The following ARHGAP42 variants were observed in gnomAD, a reference collection of about 807,000 sequenced individuals.
ARHGAP42 encodes Rho GTPase activating protein 42.
ARHGAP42 carries 63 observed loss-of-function variants against 125.0 expected under a neutral mutation model. The ratio of observed to expected loss-of-function variants is 0.50; its 90% CI spans 0.41 to 0.62. The LOEUF (loss-of-function observed/expected upper bound fraction) is 0.62. ARHGAP42 is among the 20% of genes least tolerant of loss of function. The pLI, the probability that ARHGAP42 is intolerant of heterozygous loss-of-function variation, is 0.00. For missense variants in ARHGAP42, 766 were observed against 1,024.2 expected (o/e 0.75, Z 3.44); for synonymous variants, 339 against 351.0 (o/e 0.97, Z 0.38).
intron 4 of ARHGAP42, among the ~76,000 whole-genome samples, chr11:100,896,291 C>T (rs1190068028): frequency 6.6e-6 from 1 of 152,050 alleles, no homozygotes; most frequent in Non-Finnish European, 1.5e-5. Flanking sequence ...TGAATAGTGC[C>T]ACAATAAATA....
At chr11:100,764,345 C>T (rs145228315) in intron 1 of ARHGAP42, among the ~76,000 whole-genome samples, 1 of 152,122 alleles carries the variant, frequency 6.6e-6, no homozygotes, top group Non-Finnish European at 1.5e-5. Flanking sequence ...TAATGCCCAT[C>T]ATTCTTTGGG....
chr11:100,916,961 A>G (rs1867081959), intron 5 of ARHGAP42, among the ~76,000 whole-genome samples: 1 of 152,098 alleles, frequency 6.6e-6, no homozygotes, highest in Non-Finnish European at 1.5e-5. Context: ...GCAGGAAAAA[A>G]GCAGATTGTA....
intron 12 of ARHGAP42, among the ~76,000 whole-genome samples, chr11:100,958,038 C>T (rs1394139519): frequency 3.3e-5 from 5 of 152,008 alleles, no homozygotes; most frequent in Non-Finnish European, 7.4e-5. Context: ...TAGTACCAAA[C>T]ATTTTAAATG....
At chr11:100,875,146 TGTGTGTGG>T (rs1261765981) in intron 4 of ARHGAP42, among the ~76,000 whole-genome samples, 15 of 143,104 alleles carry the variant, frequency 1.0e-4, no homozygotes, top group African/African-American at 3.9e-4. Flanking sequence ...TGTGTGTGTG[TGTGTGTGG>T]CTCATGAACT....
At chr11:100,831,415 G>T (rs1864661004) in intron 3 of ARHGAP42, among the ~76,000 whole-genome samples, 1 of 152,180 alleles carries the variant, frequency 6.6e-6, no homozygotes, top group African/African-American at 2.4e-5. Flanking sequence ...CTTAAAAGGA[G>T]TCATCCACAT....
chr11:100,944,737 A>G (rs1407118661), intron 10 of ARHGAP42, among the ~76,000 whole-genome samples: 1 of 152,098 alleles, frequency 6.6e-6, no homozygotes, highest in Non-Finnish European at 1.5e-5. Context: ...TGTGTAAAAA[A>G]TATACATCCC....
chr11:100,941,221 C>T (rs1867875956), intron 8 of ARHGAP42, among the ~76,000 whole-genome samples: 1 of 152,062 alleles, frequency 6.6e-6, no homozygotes, highest in Non-Finnish European at 1.5e-5. Flanking sequence ...GTAGCTGGAG[C>T]TGAGTGCACA....
chr11:100,871,807 G>C (rs927122975), intron 4 of ARHGAP42, among the ~76,000 whole-genome samples: 1 of 152,018 alleles, frequency 6.6e-6, no homozygotes, highest in African/African-American at 2.4e-5. Flanking sequence ...GCAATGGCAC[G>C]ATCTTGGCTC....
chr11:100,833,268 G>C (rs2135097587), intron 3 of ARHGAP42, among the ~76,000 whole-genome samples: 1 of 152,318 alleles, frequency 6.6e-6, no homozygotes, highest in South Asian at 2.1e-4. Flanking sequence ...TACTTTATTA[G>C]AGAATGCTAC....
chr11:100,947,186 T>C (rs1468114225), intron 10 of ARHGAP42, among the ~76,000 whole-genome samples: 1 of 152,030 alleles, frequency 6.6e-6, no homozygotes, highest in Non-Finnish European at 1.5e-5. Flanking sequence ...TTTGAGTACC[T>C]TCTTTTTATT....
intron 1 of ARHGAP42, among the ~76,000 whole-genome samples, chr11:100,711,224 T>C (rs1336306112): frequency 6.6e-6 from 1 of 152,266 alleles, no homozygotes; most frequent in Non-Finnish European, 1.5e-5. Flanking sequence ...TGAAGCTTCT[T>C]TTCCCTTGGC....
intron 3 of ARHGAP42, among the ~76,000 whole-genome samples, chr11:100,850,974 C>T (rs1417919923): frequency 1.4e-5 from 2 of 147,858 alleles, no homozygotes; most frequent in South Asian, 2.1e-4. Context: ...CTCCGCCACC[C>T]AGGTTCAAAT....
intron 1 of ARHGAP42, among the ~76,000 whole-genome samples, chr11:100,734,765 A>C (rs979872422): frequency 6.6e-6 from 1 of 152,192 alleles, no homozygotes; most frequent in African/African-American, 2.4e-5. Flanking sequence ...CTCATACTCT[A>C]CTTAACTCAC....
intron 1 of ARHGAP42, among the ~76,000 whole-genome samples, chr11:100,741,189 C>T (rs1381196374): frequency 6.6e-6 from 1 of 152,110 alleles, no homozygotes; most frequent in African/African-American, 2.4e-5. Context: ...TGCCACCACG[C>T]CTGGCTAATT....
rs1206302866 is a variant in ARHGAP42, at chr11:100,948,646, T to G, written c.1122+111T>G. 8 of 841,482 alleles carry G rather than the reference T, an allele frequency of 9.5e-6. No individual in the cohort carries two copies. In the African/African-American group the frequency reaches 1.4e-4, roughly 15 times the overall value. The allele number at this position is 841,482 out of a possible 1,614,324, so 52.1% of individuals were successfully genotyped here. A position where few individuals can be genotyped will look rare whatever the true frequency, so the allele number is the denominator to read the frequency against. On this transcript the variant is annotated intron_variant, in intron 11 of 23. Coordinates refer to ENST00000298815, the MANE Select transcript of ARHGAP42 (RefSeq NM_152432.4). ...TTTGCCTGTAGTATAATTGAAAATA[T>G]TAAAAAAGGAAATCAGGGGAGTAGA... is the stretch of plus-strand genomic sequence containing the variant.
At chr11:100,897,063 G>C (rs1866383129) in intron 4 of ARHGAP42, among the ~76,000 whole-genome samples, 1 of 152,148 alleles carries the variant, frequency 6.6e-6, no homozygotes, top group African/African-American at 2.4e-5. Flanking sequence ...CATATATCTA[G>C]CCAGTTTTCC....
At chr11:100,925,168 A>T (rs1187392754) in intron 6 of ARHGAP42, among the ~76,000 whole-genome samples, 1 of 151,970 alleles carries the variant, frequency 6.6e-6, no homozygotes, top group Non-Finnish European at 1.5e-5. Context: ...TCTATAAGCC[A>T]TCTTTTTTCC....
At chr11:100,938,977 A>G (rs936984838) in intron 8 of ARHGAP42, among the ~76,000 whole-genome samples, 1 of 152,202 alleles carries the variant, frequency 6.6e-6, no homozygotes, top group African/African-American at 2.4e-5. Context: ...GCAGCCAGTG[A>G]TCAATATCAA....
chr11:100,828,137 A>T (rs1391668842), intron 3 of ARHGAP42, among the ~76,000 whole-genome samples: 1 of 150,638 alleles, frequency 6.6e-6, no homozygotes, highest in Non-Finnish European at 1.5e-5. Flanking sequence ...TTTGTTTGAC[A>T]CTATCAGTCC....
Sources: allele counts gnomAD v4.1 joint callset (sites outside exome capture counted in the v4.1 genomes callset), GRCh38; gene constraint gnomAD v4.1.1; transcripts MANE v1.5; gene names NCBI Gene and HGNC (gene_info 2026-07-23, HGNC 2026-07-21).